The following PPP2R5C variants were observed in gnomAD, a reference collection of about 807,000 sequenced individuals.
The protein encoded by PPP2R5C is serine/threonine-protein phosphatase 2A 56 kDa regulatory subunit gamma isoform.
PPP2R5C carries 7 observed loss-of-function variants against 68.9 expected under a neutral mutation model. The observed-to-expected ratio is 0.10, with a 90% confidence interval of 0.06 to 0.19. The LOEUF (loss-of-function observed/expected upper bound fraction) is 0.19, where lower values mean the gene tolerates loss of function less well. PPP2R5C is among the 10% of genes least tolerant of loss of function. The pLI is 1.00. For synonymous variants in PPP2R5C, 210 were observed against 222.2 expected (o/e 0.95, Z 0.49); for missense variants, 348 against 641.3 (o/e 0.54, Z 4.94).
intron 1 of PPP2R5C, among the ~76,000 whole-genome samples, chr14:101,832,892 C>T (rs1278018823): frequency 6.6e-6 from 1 of 152,190 alleles, no homozygotes; most frequent in Non-Finnish European, 1.5e-5. Flanking sequence ...GTTGTGGGAC[C>T]TCCAGCAAGT....
chr14:101,869,249 G>A (rs1227323635), intron 2 of PPP2R5C, among the ~76,000 whole-genome samples: 3 of 152,102 alleles, frequency 2.0e-5, no homozygotes, highest in East Asian at 1.9e-4. Flanking sequence ...TTGGACATTC[G>A]TCCATGTTGT....
At chr14:101,925,448 T>C (rs2047248962) in exon 14 of PPP2R5C, 4 of 1,156,156 alleles carry the variant, frequency 3.5e-6, no homozygotes, top group Non-Finnish European at 3.5e-6. Context: ...CAATGGTGAC[T>C]TCCCAGAGCC....
intron 2 of PPP2R5C, among the ~76,000 whole-genome samples, 184 bp downstream of exon 2, chr14:101,763,154 C>G (rs1328895318): frequency 6.6e-6 from 1 of 151,896 alleles, no homozygotes; most frequent in East Asian, 1.9e-4. Context: ...CTTTGGAAAA[C>G]TATTAATGAT....
chr14:101,830,025 G>A (rs1299263528), intron 1 of PPP2R5C, among the ~76,000 whole-genome samples: 1 of 152,126 alleles, frequency 6.6e-6, no homozygotes, highest in Non-Finnish European at 1.5e-5. Flanking sequence ...TGCCTAGTAA[G>A]AGCCAGAAAC....
Position 101,781,980 on chromosome 14 carries a change from T to G in PPP2R5C, c.94-4038T>G, listed in dbSNP as rs1212963060. Among the ~76,000 whole-genome samples the G allele has an allele frequency of 6.7e-6, 1 of 150,324 alleles. No homozygotes were observed. Among genetic ancestry groups the G allele is most frequent in the Admixed American group, 6.6e-5 (1 of 15,146 alleles). On this transcript the variant is annotated intron_variant, in intron 2 of 14. Transcript: ENST00000328724. This position sits in a 1 kb window ranked among gnomAD's most constrained non-coding sequence, Gnocchi z 6.4. Reference sequence around the variant, plus strand: ...GCTCCCAAGGGAGCCCCTCGCCCTCTCTCTCTCCTTCCCTCATTCCCTTCA... The same window carrying G: ...GCTCCCAAGGGAGCCCCTCGCCCTCGCTCTCTCCTTCCCTCATTCCCTTCA...
At chr14:101,780,790 C>T (rs993276384) in intron 2 of PPP2R5C, among the ~76,000 whole-genome samples, 7 of 152,142 alleles carry the variant, frequency 4.6e-5, no homozygotes, top group Non-Finnish European at 5.9e-5. Context: ...GTTCCGTTTA[C>T]GATAAAATTG....
chr14:101,900,761 A>G (rs1372037565), intron 8 of PPP2R5C, among the ~76,000 whole-genome samples: 1 of 152,230 alleles, frequency 6.6e-6, no homozygotes, highest in Non-Finnish European at 1.5e-5. Context: ...TGGCCAAGGA[A>G]CATAAAACAT....
chr14:101,770,441 T>C (rs1235886897), intron 2 of PPP2R5C, among the ~76,000 whole-genome samples: 1 of 152,158 alleles, frequency 6.6e-6, no homozygotes, highest in Non-Finnish European at 1.5e-5. Flanking sequence ...CTCAGTTAGA[T>C]CTTATTGTCC....
chr14:101,791,553 C>T (rs182727287), intron 3 of PPP2R5C, among the ~76,000 whole-genome samples: 3 of 152,054 alleles, frequency 2.0e-5, no homozygotes, highest in Admixed American at 1.3e-4. Flanking sequence ...TAAGTTGATA[C>T]GAAAGTTTTG....
intron 13 of PPP2R5C, chr14:101,921,054 CTTTTTTTTTTTTTTTT>C (rs35320139): frequency 1.1e-4 from 6 of 53,452 alleles, no homozygotes; most frequent in South Asian, 3.6e-4. Flanking sequence ...ATAAATTCTG[CTTTTTTTTTTTTTTTT>C]TTTTTTTTTT....
chr14:101,881,365 A>G (rs568998339), intron 2 of PPP2R5C, among the ~76,000 whole-genome samples: 1 of 152,162 alleles, frequency 6.6e-6, no homozygotes, highest in Non-Finnish European at 1.5e-5. Context: ...GCACCACTAC[A>G]CTCCAACCTG....
At chr14:101,784,053 T>C (rs1335962633) in intron 2 of PPP2R5C, among the ~76,000 whole-genome samples, 1 of 152,110 alleles carries the variant, frequency 6.6e-6, no homozygotes, top group African/African-American at 2.4e-5. Flanking sequence ...CCCAAGAAAG[T>C]ACCTTTTGAG....
intron 2 of PPP2R5C, among the ~76,000 whole-genome samples, chr14:101,863,438 T>G (rs1247487447): frequency 1.3e-5 from 2 of 152,180 alleles, no homozygotes; most frequent in East Asian, 3.8e-4. Context: ...ATTTATAATA[T>G]GGCCAATATC....
At chr14:101,831,633 C>A in intron 1 of PPP2R5C, 1 of 631,830 alleles carries the variant, frequency 1.6e-6, no homozygotes, top group Non-Finnish European at 3.0e-6. Context: ...TTACAGTTGA[C>A]CCTTGAACGT....
At chr14:101,897,390 G>A (rs1456093488) in intron 8 of PPP2R5C, among the ~76,000 whole-genome samples, 1 of 149,230 alleles carries the variant, frequency 6.7e-6, no homozygotes, top group Non-Finnish European at 1.5e-5. Flanking sequence ...AAACTGAAGG[G>A]TGAGAGGTTG....
intron 5 of PPP2R5C, 48 bp from the exon 8 acceptor site, chr14:101,890,189 T>G: frequency 6.6e-7 from 1 of 1,511,016 alleles, no homozygotes; most frequent in Non-Finnish European, 9.2e-7. Context: ...GTTTTCTTAT[T>G]CAGGTTAGTT....
In PPP2R5C at chr14:101,840,634, C is replaced by T. The variant is rs147318208; in HGVS notation, c.95-16052C>T. Among the ~76,000 whole-genome samples, 494 of 152,226 alleles carry T rather than the reference C, an allele frequency of 3.2e-3. 7 individuals are homozygous for T. Among genetic ancestry groups the T allele is most frequent in the African/African-American group, 0.011 (466 of 41,514 alleles). Reference sequence around the variant, plus strand: ...AACTCACCAAACAGATTGGCCCCCCCATGACCTAGTGGGTACATCTGTAGT... The same window carrying T: ...AACTCACCAAACAGATTGGCCCCCCTATGACCTAGTGGGTACATCTGTAGT... On this transcript the variant is annotated intron_variant, in intron 1 of 13. Coordinates refer to ENST00000334743, the Ensembl canonical transcript of PPP2R5C.
At chr14:101,869,335 A>T (rs191742698) in intron 2 of PPP2R5C, among the ~76,000 whole-genome samples, 17 of 152,248 alleles carry the variant, frequency 1.1e-4, no homozygotes, top group Admixed American at 1.0e-3. Flanking sequence ...TCCATTTCCT[A>T]TGGAGGGATA....
intron 1 of PPP2R5C, among the ~76,000 whole-genome samples, chr14:101,847,557 T>C (rs1299211532): frequency 6.6e-6 from 1 of 152,192 alleles, no homozygotes; most frequent in Non-Finnish European, 1.5e-5. Flanking sequence ...TGTCTTTTAA[T>C]GTATCTATCA....
Sources: gnomAD v4.1 joint callset for allele counts (sites outside exome capture counted in the v4.1 genomes callset) on GRCh38, gnomAD v4.1.1 for gene constraint, Gnocchi (gnomAD v3.1) non-coding constraint, MANE v1.5 for transcripts, NCBI Gene and HGNC (gene_info 2026-07-23, HGNC 2026-07-21) for gene names.